The following AP2A2 variants were observed in gnomAD, a reference collection of about 807,000 sequenced individuals.
AP2A2 encodes the protein adaptor related protein complex 2 subunit alpha 2, also known as AP-2 complex subunit alpha-2.
A neutral mutation model predicts 104.2 loss-of-function variants in AP2A2; 32 were observed. The ratio of observed to expected loss-of-function variants is 0.31; its 90% CI spans 0.23 to 0.41. AP2A2 has a LOEUF of 0.41. AP2A2 is among the 10% of genes least tolerant of loss of function. The probability of loss-of-function intolerance (pLI) is 1.00; values close to 1 mark genes in which losing one functional copy is unlikely to be tolerated. For missense variants in AP2A2, 912 were observed against 1,261.0 expected (o/e 0.72, Z 4.19); for synonymous variants, 539 against 533.3 (o/e 1.01, Z -0.15).
intron 1 of AP2A2, among the ~76,000 whole-genome samples, chr11:939,241 CTG>C (rs1853565143): frequency 7.5e-6 from 1 of 133,094 alleles, no homozygotes; most frequent in Admixed American, 7.9e-5. Flanking sequence ...CAGCAAGACT[CTG>C]TCTCAAAAAA....
At chr11:954,935 T>C (rs1291798760) in intron 1 of AP2A2, among the ~76,000 whole-genome samples, 1 of 152,200 alleles carries the variant, frequency 6.6e-6, no homozygotes, top group Non-Finnish European at 1.5e-5. Flanking sequence ...ATCTGTAGAT[T>C]CCGTTTAGGA....
chr11:994,230 C>G lies in AP2A2; in HGVS notation c.1941C>G (p.Ala647=). The G allele has an allele frequency of 6.2e-7, 1 of 1,612,928 alleles. No individual in the cohort carries two copies. Among genetic ancestry groups the G allele is most frequent in the Non-Finnish European group, 8.5e-7 (1 of 1,179,800 alleles). ...DVNGGPEPAP[A]STSAVSTPSP... is the part of the protein sequence containing the mutation. ...ACGGGGGTCCTGAGCCTGCCCCAGC[C>G]AGTACCAGCGCCGTGGTGGGTCCCT... The change falls in exon 14 of 22, where the codon GCC becomes GCG. Residue 647 remains alanine, a synonymous_variant. Transcript: ENST00000448903.
intron 16 of AP2A2, among the ~76,000 whole-genome samples, chr11:1,005,797 A>C (rs1856183523): frequency 6.6e-6 from 1 of 152,196 alleles, no homozygotes; most frequent in African/African-American, 2.4e-5. Context: ...TAAGTTTTTA[A>C]GCTCTGGGCC....
In AP2A2 at chr11:987,718, C is replaced by T. The variant is rs1007970792; in HGVS notation, c.1131+765C>T. Among the ~76,000 whole-genome samples, 9 of 152,066 alleles carry T rather than the reference C, an allele frequency of 5.9e-5. No individual in the cohort carries two copies. The South Asian group carries it at 8.3e-4, about 14-fold the overall frequency. ...TGAGGTTGGCCATTGCCAGCCTTTG[C>T]GAGTCTCCAGAGCGACCCCGAGGGT... On this transcript the variant is annotated intron_variant, in intron 9 of 21. Coordinates refer to ENST00000448903, the MANE Select transcript of AP2A2 (RefSeq NM_012305.4).
rs567423298 is a variant in AP2A2 at position 993,686 on chromosome 11, C to A, written c.1551-68C>A. On this transcript the variant is annotated intron_variant, in intron 12 of 21. Coordinates refer to ENST00000448903, the MANE Select transcript of AP2A2 (RefSeq NM_012305.4). This position sits in a 1 kb window ranked among gnomAD's most constrained non-coding sequence, Gnocchi z 8.2. ...CAGGGGGTCTCGCCGCCGTCCCCCC[C>A]CCGCGGGGGCGTGCTGCAGCCTGCG... is the stretch of plus-strand genomic sequence containing the variant. The A allele has an allele frequency of 1.7e-5, 22 of 1,276,446 alleles. No individual in the cohort carries two copies. The highest frequency in any genetic ancestry group is 2.6e-5 in the East Asian group (1 of 39,152). The allele number at this position is 1,276,446 out of a possible 1,614,324, so 79.1% of individuals were successfully genotyped here. A position where few individuals can be genotyped will look rare whatever the true frequency, so the allele number is the denominator to read the frequency against.
chr11:971,975 G>A, intron 3 of AP2A2, 87 bp from the exon 4 acceptor site: 2 of 1,330,732 alleles, frequency 1.5e-6, no homozygotes, highest in Non-Finnish European at 2.1e-6. Flanking sequence ...TTCCGCATCT[G>A]TGTGTCACTG....
chr11:939,442 C>T (rs1178827014), intron 1 of AP2A2, among the ~76,000 whole-genome samples: 2 of 152,022 alleles, frequency 1.3e-5, no homozygotes, highest in East Asian at 3.9e-4. Context: ...CCCATTTAGT[C>T]ATTACTTATT....
Position 992,477 on chromosome 11 carries a change from G to C in AP2A2, c.1270-26G>C. On this transcript the variant is annotated intron_variant, in intron 10 of 21. Transcript: ENST00000448903. This position sits in a 1 kb window ranked among gnomAD's most constrained non-coding sequence, Gnocchi z 6.4. ...GGGATTGCCATGGCCTGCAGGTGCC[G>C]GCCCTCAGCAGCCTGTCCCCCACAG... 2 of 1,562,878 alleles carry C rather than the reference G, an allele frequency of 1.3e-6. No individual in the cohort carries two copies. The highest frequency in any genetic ancestry group is 1.7e-6 in the Non-Finnish European group (2 of 1,153,654).
chr11:944,730 G>A (rs763557252), intron 1 of AP2A2, among the ~76,000 whole-genome samples: 20 of 152,158 alleles, frequency 1.3e-4, no homozygotes, highest in Non-Finnish European at 1.9e-4. Flanking sequence ...CAGTGGCCAC[G>A]TAGAAGTTAG....
chr11:936,972 T>C (rs1407715744), intron 1 of AP2A2, among the ~76,000 whole-genome samples: 2 of 152,252 alleles, frequency 1.3e-5, no homozygotes, highest in Non-Finnish European at 2.9e-5. Flanking sequence ...TCCTCTTTCC[T>C]GAGACTCTTC....
At chr11:997,842 T>C (rs372842259) in intron 14 of AP2A2, among the ~76,000 whole-genome samples, 2 of 152,022 alleles carry the variant, frequency 1.3e-5, no homozygotes, top group East Asian at 1.9e-4. Context: ...AAGGCGGAGG[T>C]TGCAGTGAGC....
chr11:969,024 G>A (rs1854721963), intron 2 of AP2A2, among the ~76,000 whole-genome samples: 1 of 151,952 alleles, frequency 6.6e-6, no homozygotes, highest in African/African-American at 2.4e-5. Context: ...ACAAGAAGGG[G>A]GCCAGAGCGG....
chr11:959,260 T>C (rs1236183927), intron 1 of AP2A2, among the ~76,000 whole-genome samples, 177 bp from the exon 2 acceptor site: 1 of 152,242 alleles, frequency 6.6e-6, no homozygotes, highest in Non-Finnish European at 1.5e-5. Flanking sequence ...GCCCCGGCCC[T>C]GCTGCAGCCC....
chr11:952,503 A>C (rs555526888), intron 1 of AP2A2, among the ~76,000 whole-genome samples: 2 of 152,206 alleles, frequency 1.3e-5, no homozygotes, highest in African/African-American at 4.8e-5. Flanking sequence ...GCCAGTAGCT[A>C]TGGCATGTCC....
intron 1 of AP2A2, among the ~76,000 whole-genome samples, chr11:947,291 G>A (rs901116043): frequency 5.9e-5 from 9 of 152,104 alleles, no homozygotes; most frequent in African/African-American, 1.9e-4. Flanking sequence ...GATTGCAGGC[G>A]TGAGCCATTA....
At chr11:977,869 G>A (rs1231547337) in intron 5 of AP2A2, among the ~76,000 whole-genome samples, 1 of 152,152 alleles carries the variant, frequency 6.6e-6, no homozygotes, top group Non-Finnish European at 1.5e-5. Context: ...AGGCATGTGG[G>A]CCGGTCACGC....
intron 5 of AP2A2, among the ~76,000 whole-genome samples, chr11:978,832 C>T (rs1465170845): frequency 2.0e-5 from 3 of 152,122 alleles, no homozygotes; most frequent in Admixed American, 6.6e-5. Context: ...GGACAGGAAG[C>T]GTGGGCGGGA....
chr11:935,900 CT>C (rs745486621), intron 1 of AP2A2, among the ~76,000 whole-genome samples: 2,628 of 119,374 alleles, frequency 0.022, 39 homozygotes, highest in African/African-American at 0.052. Context: ...CGGCCTATTC[CT>C]TTTTTTTTTT....
intron 1 of AP2A2, among the ~76,000 whole-genome samples, chr11:945,688 G>C (rs1313971432): frequency 6.6e-6 from 1 of 152,082 alleles, no homozygotes; most frequent in African/African-American, 2.4e-5. Context: ...TGGTGGCTGA[G>C]GTCTGTAATC....
Sources: gnomAD v4.1 joint callset for allele counts (sites outside exome capture counted in the v4.1 genomes callset) on GRCh38, gnomAD v4.1.1 for gene constraint, Gnocchi (gnomAD v3.1) non-coding constraint, MANE v1.5 for transcripts, NCBI Gene and HGNC (gene_info 2026-07-23, HGNC 2026-07-21) for gene names.